APBB2: variants seen among roughly 807,000 people sequenced by gnomAD.
APBB2 encodes the protein Fe65-like 1.
In APBB2, 38 loss-of-function variants were observed where a neutral mutation model predicts 82.5. The ratio of observed to expected loss-of-function variants is 0.46; its 90% CI spans 0.36 to 0.60. APBB2 has a LOEUF of 0.60. APBB2 is among the 20% of genes least tolerant of loss of function. The probability of loss-of-function intolerance (pLI) is 0.00; values close to 1 mark genes in which losing one functional copy is unlikely to be tolerated. For synonymous variants in APBB2, 341 were observed against 368.2 expected, an observed-to-expected ratio of 0.93 and a Z score of 0.85; for missense variants, 772 against 972.3, an observed-to-expected ratio of 0.79 and a Z score of 2.74.
Position 40,944,857 on chromosome 4 carries a change from C to T in APBB2, c.1044+8G>A, listed in dbSNP as rs752664191. The T allele has an allele frequency of 1.4e-5, 22 of 1,612,112 alleles. No individual in the cohort carries two copies. The highest frequency in any genetic ancestry group is 2.1e-4 in the Middle Eastern group (1 of 4,782). ...CTACTAAGCTGGTAAAAAGACACTC[C>T]GTTTTACCTCGTTCTCTGGGGTGGG... On this transcript the variant is annotated splice_region_variant and intron_variant, in intron 7 of 17. Transcript: ENST00000508593.
At chr4:41,124,379 C>T (rs1007849499) in intron 2 of APBB2, among the ~76,000 whole-genome samples, 38 of 152,062 alleles carry the variant, frequency 2.5e-4, no homozygotes, top group Non-Finnish European at 4.9e-4. Flanking sequence ...CCACCATGCC[C>T]GGCTAATTTT....
intron 10 of APBB2, among the ~76,000 whole-genome samples, chr4:40,897,558 A>T (rs1439999265): frequency 6.6e-6 from 1 of 152,224 alleles, no homozygotes; most frequent in Non-Finnish European, 1.5e-5. Flanking sequence ...GATGAATATA[A>T]GCCTGACATA....
intron 17 of APBB2, 29 bp downstream of exon 17, chr4:40,821,842 G>C (rs1577679033): frequency 6.2e-7 from 1 of 1,607,692 alleles, no homozygotes. Flanking sequence ...AGGCGGGAGG[G>C]CTCAACAGCC....
chr4:40,903,762 C>T (rs745462085), intron 10 of APBB2, among the ~76,000 whole-genome samples: 4 of 152,206 alleles, frequency 2.6e-5, no homozygotes, highest in Admixed American at 2.6e-4. Flanking sequence ...GGATTCCAGC[C>T]TGTCTTGCTA....
chr4:41,192,528 T>C (rs1409593864), intron 1 of APBB2, among the ~76,000 whole-genome samples: 2 of 152,096 alleles, frequency 1.3e-5, no homozygotes, highest in Non-Finnish European at 2.9e-5. Context: ...AGTGGTATTA[T>C]ACCAGACACG....
chr4:41,159,955 G>GAAGAAGAAGAAGA (rs1764531774), intron 1 of APBB2, among the ~76,000 whole-genome samples: 16 of 48,780 alleles, frequency 3.3e-4, no homozygotes, highest in African/African-American at 1.2e-3. Context: ...GAAGGAGAAG[G>GAAGAAGAAGAAGA]AGAAGGAGAA....
rs2154292170 is a variant in APBB2, at chr4:40,815,736, T to C, written c.*356A>G. ...GGTCCAGCCAAGAAGACAGTGAAAC[T>C]AACTCACGCATCATTCATTCCAAGG... On this transcript the variant is annotated 3_prime_UTR_variant, in exon 18 of 18. Transcript: ENST00000508593. The C allele has an allele frequency of 4.7e-6, 1 of 211,936 alleles. No individual in the cohort carries two copies. The highest frequency in any genetic ancestry group is 9.8e-5 in the East Asian group (1 of 10,206). 13.1% of individuals were successfully genotyped at this position (211,936 alleles called of 1,614,324 possible).
At chr4:40,853,599 A>G (rs1577979298) in intron 12 of APBB2, among the ~76,000 whole-genome samples, 1 of 150,872 alleles carries the variant, frequency 6.6e-6, no homozygotes, top group Non-Finnish European at 1.5e-5. Flanking sequence ...ACAGGCACGC[A>G]CCACCATGTC....
At chr4:40,948,526 C>T (rs1030529763) in intron 6 of APBB2, among the ~76,000 whole-genome samples, 1 of 151,996 alleles carries the variant, frequency 6.6e-6, no homozygotes, top group East Asian at 1.9e-4. Context: ...TTTGGGAGGC[C>T]GAGGCGGGCA....
intron 12 of APBB2, among the ~76,000 whole-genome samples, chr4:40,845,103 A>G (rs1052214210): frequency 3.3e-5 from 5 of 152,242 alleles, no homozygotes; most frequent in African/African-American, 4.8e-5. Flanking sequence ...GCAAACTTTT[A>G]ACACAGTTAA....
chr4:40,993,363 T>TC (rs1802701812), intron 6 of APBB2, among the ~76,000 whole-genome samples: 1 of 132,250 alleles, frequency 7.6e-6, no homozygotes, highest in Non-Finnish European at 1.6e-5. Context: ...TCTTCTCTCT[T>TC]TTTTTTTTTT....
At chr4:40,894,066 A>G (rs1001712966) in intron 10 of APBB2, among the ~76,000 whole-genome samples, 3 of 152,072 alleles carry the variant, frequency 2.0e-5, no homozygotes, top group African/African-American at 7.2e-5. Flanking sequence ...AGGTAGGCAG[A>G]TCACGAGGTC....
In APBB2 at chr4:40,832,115, G is replaced by C. The variant is rs1042213462; in HGVS notation, c.1530-1538C>G. 1.3e-5 allele frequency among the ~76,000 whole-genome samples: 2 copies of C among 151,322 alleles called. No homozygotes were observed. Among genetic ancestry groups the C allele is most frequent in the Non-Finnish European group, 2.9e-5 (2 of 67,940 alleles). Reference sequence around the variant, plus strand: ...GTGATTTATTTGCATCTGATGCTAAGCCAGGATACTGTCTGGAGATATAAC... The same window carrying C: ...GTGATTTATTTGCATCTGATGCTAACCCAGGATACTGTCTGGAGATATAAC... On this transcript the variant is annotated intron_variant, in intron 12 of 17. Transcript: ENST00000508593. The surrounding 1 kb of genome is among the most constrained non-coding windows in gnomAD (Gnocchi z 4.8).
chr4:41,086,871 T>C (rs1169264456), intron 3 of APBB2, among the ~76,000 whole-genome samples: 1 of 151,846 alleles, frequency 6.6e-6, no homozygotes, highest in Non-Finnish European at 1.5e-5. Context: ...AGTAAAATTA[T>C]CTTTGTTTGC....
In APBB2 at chr4:40,832,006, ATT is replaced by A. The variant is rs1327748782; in HGVS notation, c.1530-1431_1530-1430del. On this transcript the variant is annotated intron_variant, in intron 12 of 17. Transcript: ENST00000508593. This position sits in a 1 kb window ranked among gnomAD's most constrained non-coding sequence, Gnocchi z 4.8. ...TACACACACACATATTTATATATTT[ATT>A]TATATACACACACACACACACACAC... Among the ~76,000 whole-genome samples, 2,191 of 102,852 alleles carry A rather than the reference ATT, an allele frequency of 0.021. 56 individuals carry two copies. Among genetic ancestry groups the A allele is most frequent in the African/African-American group, 0.087 (1,919 of 21,958 alleles). The allele number at this position is 102,852 out of a possible 152,430, so 67.5% of individuals were successfully genotyped here. A position where few individuals can be genotyped will look rare whatever the true frequency, so the allele number is the denominator to read the frequency against.
At chr4:41,182,012 T>C (rs1361508563) in intron 1 of APBB2, among the ~76,000 whole-genome samples, 1 of 150,506 alleles carries the variant, frequency 6.6e-6, no homozygotes, top group Non-Finnish European at 1.5e-5. Flanking sequence ...CATGAAGCCA[T>C]CTTTACTCTG....
rs772836057 is a variant in APBB2 at position 40,934,595 on chromosome 4, G to A, written c.1193+19C>T. 17 of 1,611,146 alleles carry A rather than the reference G, an allele frequency of 1.1e-5. No homozygotes were observed. The highest frequency in any genetic ancestry group is 1.4e-5 in the Non-Finnish European group (17 of 1,177,330). On this transcript the variant is annotated intron_variant, in intron 9 of 17. Coordinates refer to ENST00000508593, the MANE Select transcript of APBB2 (RefSeq NM_004307.2). ...CAAAGCCATACATTGACAGCAGGTC[G>A]ATCCTACTAATGTCCTACCTGAGTT...
intron 6 of APBB2, among the ~76,000 whole-genome samples, chr4:41,000,101 G>A (rs978881247): frequency 1.2e-4 from 16 of 135,666 alleles, no homozygotes; most frequent in African/African-American, 4.2e-4. Context: ...GTGTGTGTGT[G>A]TGTGTATAAA....
At chr4:41,131,761 C>T (rs1396821756) in intron 2 of APBB2, among the ~76,000 whole-genome samples, 14 of 152,054 alleles carry the variant, frequency 9.2e-5, no homozygotes, top group Admixed American at 8.5e-4. Context: ...AAACTTCGGC[C>T]GGGCACAGTG....
Sources: allele counts gnomAD v4.1 joint callset (sites outside exome capture counted in the v4.1 genomes callset), GRCh38; gene constraint gnomAD v4.1.1; non-coding constraint Gnocchi (gnomAD v3.1); transcripts MANE v1.5; gene names NCBI Gene and HGNC (gene_info 2026-07-23, HGNC 2026-07-21).